Variants in QRICH1 observed in about 807,000 individuals in gnomAD.
QRICH1 encodes the protein glutamine rich 1.
A neutral mutation model predicts 87.1 loss-of-function variants in QRICH1; 16 were observed. The observed-to-expected ratio is 0.18, with a 90% CI of 0.12 to 0.28. QRICH1 has a LOEUF of 0.28. Among genes scored for constraint, QRICH1 ranks in the 10% least tolerant of loss-of-function variants. QRICH1 has a pLI of 1.00. For synonymous variants in QRICH1, 367 were observed against 368.4 expected (o/e 1.00, Z 0.05); for missense variants, 647 against 951.7 (o/e 0.68, Z 4.21).
rs148398694 is a variant in QRICH1 at position 49,085,629 on chromosome 3, G to A, written c.-22+8283C>T. On this transcript the variant is annotated intron_variant, in intron 1 of 9. Coordinates refer to ENST00000395443, the MANE Select transcript of QRICH1 (RefSeq NM_198880.3). ...AAAAATTAGCCAGGTGTGGTGACACGTGCCTGTAATCCCAGCTACTCGGAA... is the reference window on the plus strand; with the variant it reads ...AAAAATTAGCCAGGTGTGGTGACACATGCCTGTAATCCCAGCTACTCGGAA... Among the ~76,000 whole-genome samples the A allele has an allele frequency of 5.9e-3, 894 of 151,758 alleles. 5 individuals carry two copies. The highest frequency in any genetic ancestry group is 8.7e-3 in the Non-Finnish European group (588 of 67,942).
chr3:49,091,714 A>T (rs947689896), intron 1 of QRICH1, among the ~76,000 whole-genome samples: 1 of 152,332 alleles, frequency 6.6e-6, no homozygotes, highest in East Asian at 1.9e-4. Flanking sequence ...ACCAATTTAA[A>T]AGGAAGATCT....
At chr3:49,060,798 T>C (rs571299690) in intron 2 of QRICH1, among the ~76,000 whole-genome samples, 18 of 152,196 alleles carry the variant, frequency 1.2e-4, no homozygotes, top group African/African-American at 4.1e-4. Context: ...TATCGTGAAC[T>C]GCAAATGTGA....
chr3:49,059,370 C>T (rs2093421689), intron 2 of QRICH1, among the ~76,000 whole-genome samples: 1 of 151,886 alleles, frequency 6.6e-6, no homozygotes, highest in South Asian at 2.1e-4. Context: ...ATCCTCCCAC[C>T]TCAGCCTGCT....
intron 2 of QRICH1, among the ~76,000 whole-genome samples, chr3:49,063,963 A>AT (rs1163269352): frequency 2.7e-5 from 4 of 150,534 alleles, no homozygotes; most frequent in Non-Finnish European, 5.9e-5. Context: ...CTGGAGTGCA[A>AT]TGGTGCCATC....
At chr3:49,066,945 G>A (rs2093472115) in intron 2 of QRICH1, among the ~76,000 whole-genome samples, 1 of 151,932 alleles carries the variant, frequency 6.6e-6, no homozygotes, top group African/African-American at 2.4e-5. Flanking sequence ...GGCTGAGGTA[G>A]GACAATAGCT....
chr3:49,090,499 G>A (rs371112166), intron 1 of QRICH1, among the ~76,000 whole-genome samples: 121 of 151,506 alleles, frequency 8.0e-4, no homozygotes, highest in Middle Eastern at 3.4e-3. Flanking sequence ...GTGGTGGCGG[G>A]CACCTGTAAT....
chr3:49,044,573 T>G (rs766963511), intron 5 of QRICH1, 69 bp from the exon 6 acceptor site: 33 of 1,172,656 alleles, frequency 2.8e-5, no homozygotes, highest in Admixed American at 2.4e-4. Context: ...GAAATAAATA[T>G]ATTTTTCTAC....
intron 3 of QRICH1, among the ~76,000 whole-genome samples, chr3:49,052,858 T>A (rs958069448): frequency 1.3e-5 from 2 of 152,216 alleles, no homozygotes; most frequent in Non-Finnish European, 2.9e-5. Flanking sequence ...TCTCTGTGCC[T>A]GAGTTTCCTC....
At chr3:49,080,715 CT>C (rs1250626871) in intron 1 of QRICH1, among the ~76,000 whole-genome samples, 1 of 151,894 alleles carries the variant, frequency 6.6e-6, no homozygotes, top group African/African-American at 2.4e-5. Flanking sequence ...ATTTCACCGA[CT>C]TTTCTTCTTT....
intron 2 of QRICH1, among the ~76,000 whole-genome samples, chr3:49,060,621 T>C (rs1213285706): frequency 6.6e-6 from 1 of 151,856 alleles, no homozygotes; most frequent in Non-Finnish European, 1.5e-5. Context: ...TGAGCCACCA[T>C]ACCCAGCCCC....
intron 2 of QRICH1, among the ~76,000 whole-genome samples, chr3:49,063,874 T>C (rs148041789): frequency 1.2e-4 from 19 of 152,302 alleles, no homozygotes; most frequent in African/African-American, 4.6e-4. Flanking sequence ...AATATTTACT[T>C]GTACTCTAAA....
At chr3:49,084,581 T>C (rs1159130944) in intron 1 of QRICH1, among the ~76,000 whole-genome samples, 1 of 151,870 alleles carries the variant, frequency 6.6e-6, no homozygotes, top group Non-Finnish European at 1.5e-5. Context: ...CTGGCCAACA[T>C]GGTGAAACCC....
chr3:49,062,952 A>G (rs2093444045), intron 2 of QRICH1, among the ~76,000 whole-genome samples: 1 of 151,730 alleles, frequency 6.6e-6, no homozygotes, highest in Admixed American at 6.6e-5. Flanking sequence ...GTGAGCCAAG[A>G]TCGCGCCACT....
intron 9 of QRICH1, 32 bp downstream of exon 9, chr3:49,032,151 C>T: frequency 1.3e-6 from 2 of 1,530,288 alleles, no homozygotes. Flanking sequence ...CACATGCGCA[C>T]ACATGGACAG....
chr3:49,032,576 A>C lies in QRICH1; in HGVS notation c.2047+46T>G, dbSNP rs752960443. ...CACAGGCACAAGGGCAGGACAGGGCAGGACAAGTAGCACCTGTTTTTGCCA... is the reference window on the plus strand; with the variant it reads ...CACAGGCACAAGGGCAGGACAGGGCCGGACAAGTAGCACCTGTTTTTGCCA... On this transcript the variant is annotated intron_variant, in intron 8 of 9. Transcript: ENST00000395443. The C allele has an allele frequency of 3.3e-6, 5 of 1,522,036 alleles. No homozygotes were observed. In the African/African-American group the frequency reaches 6.9e-5, roughly 21 times the overall value. 94.3% of individuals were successfully genotyped at this position (1,522,036 alleles called of 1,614,324 possible). A position where few individuals can be genotyped will look rare whatever the true frequency, so the allele number is the denominator to read the frequency against.
chr3:49,052,644 C>T (rs1180923042), intron 3 of QRICH1, among the ~76,000 whole-genome samples: 3 of 152,138 alleles, frequency 2.0e-5, no homozygotes, highest in African/African-American at 7.2e-5. Context: ...AGCTGGCGCC[C>T]ACCACCATGC....
At chr3:49,068,574 G>A (rs921976941) in intron 2 of QRICH1, among the ~76,000 whole-genome samples, 7 of 151,440 alleles carry the variant, frequency 4.6e-5, no homozygotes, top group Non-Finnish European at 7.4e-5. Context: ...GCAGCGAGCC[G>A]TGATCATGCC....
intron 2 of QRICH1, among the ~76,000 whole-genome samples, chr3:49,075,241 A>G (rs1386203186): frequency 6.6e-6 from 1 of 151,414 alleles, no homozygotes; most frequent in East Asian, 1.9e-4. Context: ...AGGCTGGATG[A>G]TCGCTTAAGC....
At chr3:49,069,708 G>T (rs1229934125) in intron 2 of QRICH1, among the ~76,000 whole-genome samples, 1 of 151,798 alleles carries the variant, frequency 6.6e-6, no homozygotes, top group East Asian at 1.9e-4. Context: ...TTGAATTCCT[G>T]AACTCAAAGG....
Sources: allele counts gnomAD v4.1 joint callset (sites outside exome capture counted in the v4.1 genomes callset), GRCh38; gene constraint gnomAD v4.1.1; transcripts MANE v1.5; gene names NCBI Gene and HGNC (gene_info 2026-07-23, HGNC 2026-07-21).